The following EYA1 variants were observed in gnomAD, a reference collection of about 807,000 sequenced individuals.
The protein encoded by EYA1 is EYA transcriptional coactivator and phosphatase 1.
A neutral mutation model predicts 82.0 loss-of-function variants in EYA1; 16 were observed. The observed-to-expected ratio is 0.20, with a 90% confidence interval of 0.13 to 0.30. EYA1 has a LOEUF of 0.30. Among genes scored for constraint, EYA1 ranks in the 10% least tolerant of loss-of-function variants. The pLI is 1.00. For synonymous variants in EYA1, 261 were observed against 264.4 expected, an observed-to-expected ratio of 0.99 and a Z score of 0.12; for missense variants, 633 against 730.7, an observed-to-expected ratio of 0.87 and a Z score of 1.54.
At chr8:71,341,493 A>T in intron 3 of EYA1, among the ~76,000 whole-genome samples, 1 of 152,232 alleles carries the variant, frequency 6.6e-6, no homozygotes, top group Admixed American at 6.5e-5. Context: ...AAAGTGGAAA[A>T]AAGCAACATT....
At chr8:71,455,523 A>G (rs1332680582) in intron 2 of EYA1, among the ~76,000 whole-genome samples, 1 of 152,224 alleles carries the variant, frequency 6.6e-6, no homozygotes, top group Non-Finnish European at 1.5e-5. Flanking sequence ...AATACTGGGG[A>G]ACCGAATCCA....
rs78920923 is a variant in EYA1, at chr8:71,431,192, A to G, written c.34-74681T>C. On this transcript the variant is annotated intron_variant, in intron 2 of 18. Coordinates refer to the EYA1 transcript ENST00000643681. Reference sequence around the variant, plus strand: ...AAGTGCAAAGAGAAAGAGAAAGGAAATAAGATATAATCCTTGATTCCCACA... The same window carrying G: ...AAGTGCAAAGAGAAAGAGAAAGGAAGTAAGATATAATCCTTGATTCCCACA... Among the ~76,000 whole-genome samples, 331 of 152,348 alleles carry G rather than the reference A, an allele frequency of 2.2e-3. 6 individuals carry two copies. In the East Asian group the frequency reaches 0.032, roughly 15 times the overall value.
At chr8:71,237,044 TTGACA>T (rs1472910796) in intron 12 of EYA1, among the ~76,000 whole-genome samples, 1 of 152,112 alleles carries the variant, frequency 6.6e-6, no homozygotes, top group African/African-American at 2.4e-5. Context: ...GCTGTTTGAC[TTGACA>T]TTTCTTTTCT....
At chr8:71,246,919 C>T (rs1209579748) in intron 11 of EYA1, among the ~76,000 whole-genome samples, 1 of 151,878 alleles carries the variant, frequency 6.6e-6, no homozygotes, top group Non-Finnish European at 1.5e-5. Flanking sequence ...CCACACCCCT[C>T]CAGCACTCCC....
chr8:71,235,794 C>G (rs990989273), intron 12 of EYA1, among the ~76,000 whole-genome samples: 9 of 152,062 alleles, frequency 5.9e-5, no homozygotes, highest in Non-Finnish European at 1.3e-4. Flanking sequence ...CTACTGGATG[C>G]GATAGCATGT....
intron 2 of EYA1, among the ~76,000 whole-genome samples, chr8:71,394,762 C>T (rs1829488096): frequency 6.6e-6 from 1 of 152,060 alleles, no homozygotes; most frequent in African/African-American, 2.4e-5. Context: ...TTAGGATTGT[C>T]TTGGCAATGA....
intron 2 of EYA1, among the ~76,000 whole-genome samples, chr8:71,497,999 T>C (rs985063385): frequency 6.6e-6 from 1 of 152,006 alleles, no homozygotes; most frequent in African/African-American, 2.4e-5. Context: ...CTAAAAAAGT[T>C]GATCTTCTAG....
intron 2 of EYA1, among the ~76,000 whole-genome samples, chr8:71,467,216 T>C (rs1259341545): frequency 6.6e-6 from 1 of 152,050 alleles, no homozygotes; most frequent in Non-Finnish European, 1.5e-5. Context: ...AAACCATATG[T>C]TTTTAAACAT....
At chr8:71,350,851 G>A (rs1826235822) in intron 3 of EYA1, among the ~76,000 whole-genome samples, 1 of 152,048 alleles carries the variant, frequency 6.6e-6, no homozygotes, top group South Asian at 2.1e-4. Flanking sequence ...AAACAAAGAT[G>A]GAAAGAATCA....
At chr8:71,387,319 C>T (rs1337374967) in intron 2 of EYA1, among the ~76,000 whole-genome samples, 2 of 152,164 alleles carry the variant, frequency 1.3e-5, no homozygotes, top group East Asian at 1.9e-4. Flanking sequence ...ATGTCTTTAT[C>T]AATCTATATG....
intron 12 of EYA1, among the ~76,000 whole-genome samples, chr8:71,226,986 C>T (rs1236270772): frequency 6.6e-6 from 1 of 151,840 alleles, no homozygotes; most frequent in South Asian, 2.1e-4. Context: ...CTTCATATAC[C>T]ACACAGGGCA....
intron 2 of EYA1, among the ~76,000 whole-genome samples, chr8:71,390,368 T>A (rs1829209454): frequency 6.6e-6 from 1 of 151,888 alleles, no homozygotes; most frequent in South Asian, 2.1e-4. Context: ...CCTCAAGTGA[T>A]CCTTCTGCCT....
intron 2 of EYA1, among the ~76,000 whole-genome samples, chr8:71,369,841 G>T: frequency 6.6e-6 from 1 of 151,748 alleles, no homozygotes; most frequent in Admixed American, 6.6e-5. Flanking sequence ...TCCTTCCATT[G>T]AAAACTTTAA....
intron 2 of EYA1, among the ~76,000 whole-genome samples, chr8:71,449,973 A>G (rs535822478): frequency 2.6e-5 from 4 of 152,256 alleles, no homozygotes; most frequent in East Asian, 3.9e-4. Flanking sequence ...TTTCTTCTAC[A>G]GTTTCCTCAC....
At chr8:71,317,742 A>AT in intron 6 of EYA1, 53 bp from the exon 7 acceptor site, 1 of 1,570,948 alleles carries the variant, frequency 6.4e-7, no homozygotes, top group Non-Finnish European at 8.8e-7. Context: ...AAGCTGGTAA[A>AT]TATACAAAAA....
chr8:71,225,683 ATG>A (rs1354843241), intron 12 of EYA1, among the ~76,000 whole-genome samples: 7 of 152,228 alleles, frequency 4.6e-5, no homozygotes, highest in Non-Finnish European at 7.3e-5. Context: ...TAGGAATAGG[ATG>A]ACACAACTAT....
intron 11 of EYA1, among the ~76,000 whole-genome samples, chr8:71,250,571 T>C (rs1813634015): frequency 6.6e-6 from 1 of 152,216 alleles, no homozygotes; most frequent in Non-Finnish European, 1.5e-5. Context: ...TTTTTAGTTT[T>C]AGTATGAAAC....
intron 2 of EYA1, among the ~76,000 whole-genome samples, chr8:71,455,251 G>A (rs1185981178): frequency 6.6e-6 from 1 of 152,098 alleles, no homozygotes; most frequent in Admixed American, 6.6e-5. Flanking sequence ...TTCTTAAATT[G>A]AGGCAATCAT....
intron 2 of EYA1, among the ~76,000 whole-genome samples, chr8:71,437,055 C>CATATATATATATATAT: frequency 6.9e-6 from 1 of 144,780 alleles, no homozygotes; most frequent in African/African-American, 2.5e-5. Flanking sequence ...TGTATATCTA[C>CATATATATATATATAT]ATATATATAT....
Sources: gnomAD v4.1 joint callset for allele counts (sites outside exome capture counted in the v4.1 genomes callset) on GRCh38, gnomAD v4.1.1 for gene constraint, MANE v1.5 for transcripts, NCBI Gene and HGNC (gene_info 2026-07-23, HGNC 2026-07-21) for gene names.